IRS1: variants seen among roughly 807,000 people sequenced by gnomAD.
IRS1 encodes insulin receptor substrate 1.
A neutral mutation model predicts 65.6 loss-of-function variants in IRS1; 34 were observed. The ratio of observed to expected loss-of-function variants is 0.52; its 90% CI spans 0.39 to 0.69. The LOEUF (loss-of-function observed/expected upper bound fraction) is 0.69. Ranked by LOEUF, IRS1 falls within the 30% of genes least tolerant of loss-of-function variation. The probability of loss-of-function intolerance (pLI) is 0.00; values close to 1 mark genes in which losing one functional copy is unlikely to be tolerated. For synonymous variants in IRS1, 699 were observed against 683.5 expected (o/e 1.02, Z -0.35); for missense variants, 1,641 against 1,720.2 (o/e 0.95, Z 0.81).
intron 1 of IRS1, among the ~76,000 whole-genome samples, chr2:226,745,149 G>A (rs2106159965): frequency 6.6e-6 from 1 of 152,334 alleles, no homozygotes; most frequent in South Asian, 2.1e-4. Context: ...AAAAGTCAAT[G>A]TAAAAGGAGC....
rs900673153 is a variant in IRS1, at chr2:226,794,765, G to A, written c.*21+224C>T. On this transcript the variant is annotated intron_variant, in intron 1 of 1. Transcript: ENST00000305123. This position sits in a 1 kb window ranked among gnomAD's most constrained non-coding sequence, Gnocchi z 4.1. ...ATACTGCAGTAACTACTTCACTTGG[G>A]AATTCTCAAACGAAAAAGCCCTCCT... Among the ~76,000 whole-genome samples, 1 of 152,148 alleles carries A rather than the reference G, an allele frequency of 6.6e-6. No individual in the cohort carries two copies. Among genetic ancestry groups the A allele is most frequent in the Non-Finnish European group, 1.5e-5 (1 of 68,026 alleles).
intron 1 of IRS1, among the ~76,000 whole-genome samples, chr2:226,785,325 A>G (rs1939465675): frequency 6.6e-6 from 1 of 152,146 alleles, no homozygotes; most frequent in Admixed American, 6.5e-5. Flanking sequence ...TTTTCTGGCC[A>G]GGTGTGGTGG....
At chr2:226,752,002 A>G (rs1394926467) in intron 1 of IRS1, among the ~76,000 whole-genome samples, 1 of 152,180 alleles carries the variant, frequency 6.6e-6, no homozygotes, top group Non-Finnish European at 1.5e-5. Context: ...AACTGATATA[A>G]CAGGTAAATG....
intron 1 of IRS1, among the ~76,000 whole-genome samples, chr2:226,753,300 T>C (rs1225041041): frequency 2.0e-5 from 3 of 152,230 alleles, no homozygotes; most frequent in African/African-American, 7.2e-5. Context: ...TTTAAACTTA[T>C]AATTTTAATC....
At chr2:226,754,312 T>C (rs1938750801) in intron 1 of IRS1, among the ~76,000 whole-genome samples, 1 of 152,202 alleles carries the variant, frequency 6.6e-6, no homozygotes, top group Admixed American at 6.5e-5. Context: ...AAACCATTCC[T>C]GGAGTGAGTG....
At chr2:226,765,528 T>C (rs1306879367) in intron 1 of IRS1, among the ~76,000 whole-genome samples, 1 of 152,182 alleles carries the variant, frequency 6.6e-6, no homozygotes, top group Admixed American at 6.5e-5. Context: ...AGTTGACTAA[T>C]ATTGCTCTCT....
chr2:226,743,744 G>T (rs1251869888), intron 1 of IRS1, among the ~76,000 whole-genome samples: 1 of 152,068 alleles, frequency 6.6e-6, no homozygotes, highest in East Asian at 1.9e-4. Flanking sequence ...TTTTGGGTTT[G>T]GGGTTTTGTT....
intron 1 of IRS1, among the ~76,000 whole-genome samples, chr2:226,774,850 C>G (rs1574654621): frequency 6.6e-6 from 1 of 152,134 alleles, no homozygotes; most frequent in Admixed American, 6.5e-5. Flanking sequence ...AGAATACATA[C>G]TATAATGATT....
chr2:226,778,154 A>G (rs1240178157), intron 1 of IRS1, among the ~76,000 whole-genome samples: 1 of 152,100 alleles, frequency 6.6e-6, no homozygotes, highest in Admixed American at 6.6e-5. Flanking sequence ...TTTTATTTTA[A>G]ATTTGTTTTT....
rs1457299587 is a variant in IRS1 at position 226,799,349 on chromosome 2, G to C, written c.-611C>G. The C allele has an allele frequency of 6.4e-6, 8 of 1,256,626 alleles. No homozygotes were observed. The highest frequency in any genetic ancestry group is 7.2e-6 in the Non-Finnish European group (7 of 967,384). The allele number at this position is 1,256,626 out of a possible 1,614,324, so 77.8% of individuals were successfully genotyped here. The stretch of plus-strand genomic sequence containing the variant: ...CCAGCTCAGTCGCAGAGACCGCGGC[G>C]CTGCGGCTGTTGCTGTTGCTGCTGC... On this transcript the variant is annotated 5_prime_UTR_variant, in exon 1 of 2. Coordinates refer to ENST00000305123, the MANE Select transcript of IRS1 (RefSeq NM_005544.3). The surrounding 1 kb of genome is among the most constrained non-coding windows in gnomAD (Gnocchi z 6.1).
At chr2:226,791,693 G>A (rs1352807217) in intron 1 of IRS1, among the ~76,000 whole-genome samples, 1 of 151,962 alleles carries the variant, frequency 6.6e-6, no homozygotes, top group Non-Finnish European at 1.5e-5. Flanking sequence ...CGCCCGCCGC[G>A]GCTCAGCCGT....
Position 226,799,335 on chromosome 2 carries a change from G to A in IRS1, c.-597C>T. On this transcript the variant is annotated 5_prime_UTR_variant, in exon 1 of 2. Coordinates refer to ENST00000305123, the MANE Select transcript of IRS1 (RefSeq NM_005544.3). This position sits in a 1 kb window ranked among gnomAD's most constrained non-coding sequence, Gnocchi z 6.1. Reference sequence around the variant, plus strand: ...CAGCCGCCCAAATACCAGCTCAGTCGCAGAGACCGCGGCGCTGCGGCTGTT... The same window carrying A: ...CAGCCGCCCAAATACCAGCTCAGTCACAGAGACCGCGGCGCTGCGGCTGTT... 1 of 1,241,010 alleles carries A rather than the reference G, an allele frequency of 8.1e-7. No homozygotes were observed. The allele number at this position is 1,241,010 out of a possible 1,614,324, so 76.9% of individuals were successfully genotyped here.
chr2:226,786,878 G>A (rs1373069528), intron 1 of IRS1, among the ~76,000 whole-genome samples: 1 of 151,042 alleles, frequency 6.6e-6, no homozygotes, highest in East Asian at 1.9e-4. Flanking sequence ...AAAACAGAGG[G>A]AGAAAAATCT....
chr2:226,752,712 AC>A (rs756270730), intron 1 of IRS1, among the ~76,000 whole-genome samples: 1 of 152,212 alleles, frequency 6.6e-6, no homozygotes, highest in Non-Finnish European at 1.5e-5. Flanking sequence ...AATACATTTT[AC>A]CAAGGGATAT....
rs1358997387 is a variant in IRS1 at position 226,796,187 on chromosome 2, G to T, written c.2552C>A (p.Thr851Asn). The T allele has an allele frequency of 6.2e-7, 1 of 1,613,592 alleles. No individual in the cohort carries two copies. Among genetic ancestry groups the T allele is most frequent in the East Asian group, 2.2e-5 (1 of 44,886 alleles). Residue 851 changes from threonine to asparagine, a missense_variant, in exon 1 of 2, where the codon ACC (threonine) becomes AAC (asparagine). Physicochemically the swap from Thr to Asn is moderately conservative, Grantham distance 65 (BLOSUM62 0). This residue lies in a region of IRS1 where 1,324 missense variants were observed against 1,361.0 expected (regional missense o/e 0.97). Transcript: ENST00000305123. Reference protein sequence around the residue: ...LPRKVDTAAQTNSRLARPTRL... With the variant: ...LPRKVDTAAQNNSRLARPTRL... ...CGTGGGCCGGGCCAGGCGGCTATTG[G>T]TCTGAGCAGCTGTGTCCACCTTTCG...
rs776523095 is a variant in IRS1, at chr2:226,731,511, G to A, written c.*4761C>T. Reference sequence around the variant, plus strand: ...AAGCATAACACTATAAAGAAAACTTGGAAAAGTGAAACACTTCTAAATAAA... The same window carrying A: ...AAGCATAACACTATAAAGAAAACTTAGAAAAGTGAAACACTTCTAAATAAA... On this transcript the variant is annotated 3_prime_UTR_variant, in exon 2 of 2. Transcript: ENST00000305123. 6 of 152,044 alleles carry A rather than the reference G, an allele frequency of 3.9e-5. No individual in the cohort carries two copies. The highest frequency in any genetic ancestry group is 5.9e-5 in the Non-Finnish European group (4 of 68,006). 9.4% of individuals were successfully genotyped at this position (152,044 alleles called of 1,614,324 possible). A position where few individuals can be genotyped will look rare whatever the true frequency, so the allele number is the denominator to read the frequency against.
At chr2:226,787,262 T>C (rs1057101106) in intron 1 of IRS1, among the ~76,000 whole-genome samples, 2 of 152,190 alleles carry the variant, frequency 1.3e-5, no homozygotes, top group African/African-American at 4.8e-5. Flanking sequence ...TTCTTCCAAA[T>C]GAGAGTTCCT....
Position 226,796,417 on chromosome 2 carries a change from G to C in IRS1, c.2322C>G (p.Thr774=), listed in dbSNP as rs1939727271. Residue 774 remains threonine (T), a synonymous_variant, in exon 1 of 2, where the codon ACC becomes ACG. Coordinates refer to ENST00000305123, the MANE Select transcript of IRS1 (RefSeq NM_005544.3). ...CCTCCTCCGGCTCCCCGGGGCGCTG[G>C]GTGTGCTTAAAGGATCTTGGCAATG... ...YYSLPRSFKH[T]QRPGEPEEGA... 6.2e-7 allele frequency: 1 copy of C among 1,613,432 alleles called. No individual in the cohort carries two copies. Among genetic ancestry groups the C allele is most frequent in the African/African-American group, 1.3e-5 (1 of 74,936 alleles).
rs773676793 is a variant in IRS1 at position 226,797,583 on chromosome 2, C to A, written c.1156G>T (p.Ala386Ser). The change falls in exon 1 of 2, where the codon GCC (alanine) becomes TCC (serine). Residue 386 changes from alanine (A) to serine (S), a missense_variant. Physicochemically the swap from Ala to Ser is moderately conservative, Grantham distance 99 (BLOSUM62 1). This residue lies in a region of IRS1 where 1,324 missense variants were observed against 1,361.0 expected (regional missense o/e 0.97). Coordinates refer to ENST00000305123, the MANE Select transcript of IRS1 (RefSeq NM_005544.3). This position sits in a 1 kb window ranked among gnomAD's most constrained non-coding sequence, Gnocchi z 8.1. The part of the protein sequence containing the change: ...PMPASRCSPS[A>S]TSPVSLSSSS... ...GACGACAGACTGACCGGGCTGGTGG[C>A]CGAAGGCGAGCAGCGGGAAGCCGGC... 1.9e-6 allele frequency: 3 copies of A among 1,592,380 alleles called. No homozygotes were observed. Among genetic ancestry groups the A allele is most frequent in the African/African-American group, 2.7e-5 (2 of 74,688 alleles).
Sources: allele counts gnomAD v4.1 joint callset (sites outside exome capture counted in the v4.1 genomes callset), GRCh38; gene constraint gnomAD v4.1.1; regional missense constraint gnomAD v4.1.1; non-coding constraint Gnocchi (gnomAD v3.1); transcripts MANE v1.5; gene names NCBI Gene and HGNC (gene_info 2026-07-23, HGNC 2026-07-21).